Variants in CREBRF observed in about 807,000 individuals in gnomAD.
CREBRF encodes the protein CREB3 regulatory factor.
Under a neutral mutation model 66.1 loss-of-function variants are expected in CREBRF, and 5 were observed. The ratio of observed to expected loss-of-function variants is 0.08; its 90% CI spans 0.04 to 0.16. The LOEUF is 0.16. Among genes scored for constraint, CREBRF ranks in the 10% least tolerant of loss-of-function variants. The pLI is 1.00. For synonymous variants in CREBRF, 229 were observed against 264.4 expected, an observed-to-expected ratio of 0.87 and a Z score of 1.30; for missense variants, 531 against 744.9, an observed-to-expected ratio of 0.71 and a Z score of 3.34.
At chr5:173,075,717 G>GT (rs1309908813) in intron 1 of CREBRF, among the ~76,000 whole-genome samples, 2 of 151,912 alleles carry the variant, frequency 1.3e-5, no homozygotes, top group African/African-American at 4.8e-5. Flanking sequence ...CTGCCTCCCT[G>GT]TTTCGTTGCC....
intron 2 of CREBRF, among the ~76,000 whole-genome samples, chr5:173,082,908 CAAAAAAAAAAAAAAAAA>C (rs70984937): frequency 5.5e-4 from 16 of 29,020 alleles, no homozygotes; most frequent in African/African-American, 9.5e-4. Context: ...GACTCTGTCT[CAAAAAAAAAAAAAAAAA>C]AAAAAAAAAA....
intron 1 of CREBRF, among the ~76,000 whole-genome samples, chr5:173,065,372 G>A (rs1163141588): frequency 6.6e-6 from 1 of 152,118 alleles, no homozygotes. Context: ...GGAGGAAATA[G>A]CTTTTTTTGC....
In CREBRF at chr5:173,138,318, A is replaced by G. The variant is rs1326548181; in HGVS notation, c.*4573A>G. 1 of 152,200 alleles carries G rather than the reference A, an allele frequency of 6.6e-6. No individual in the cohort carries two copies. The highest frequency in any genetic ancestry group is 2.4e-5 in the African/African-American group (1 of 41,460). The allele number at this position is 152,200 out of a possible 1,614,324, so 9.4% of individuals were successfully genotyped here. A position where few individuals can be genotyped will look rare whatever the true frequency, so the allele number is the denominator to read the frequency against. On this transcript the variant is annotated 3_prime_UTR_variant, in exon 9 of 9. Transcript: ENST00000296953. ...TTTTAAGGAATAAGCATGTTGGGGA[A>G]AGATGATGAAAATGTACTACTGAAA...
At chr5:173,107,932 A>G (rs1011050706) in intron 4 of CREBRF, among the ~76,000 whole-genome samples, 7 of 151,218 alleles carry the variant, frequency 4.6e-5, no homozygotes, top group African/African-American at 1.5e-4. Context: ...CCTGAGTTCA[A>G]GTGATTCTCA....
At chr5:173,093,731 T>C (rs1438355048) in intron 4 of CREBRF, among the ~76,000 whole-genome samples, 1 of 152,204 alleles carries the variant, frequency 6.6e-6, no homozygotes, top group Non-Finnish European at 1.5e-5. Flanking sequence ...TGCCCAGGCA[T>C]GTCTTGAACT....
In CREBRF at chr5:173,110,517, T is replaced by C. The variant is rs375965664; in HGVS notation, c.1418-5T>C. The C allele has an allele frequency of 4.8e-5, 77 of 1,607,990 alleles. No individual in the cohort carries two copies. The African/African-American group carries it at 7.7e-4, about 16-fold the overall frequency. ...TGACTTAAACTTCTTTTAAACTGTTTATAGGAAAATATGCAGTAAAGAAGT... is the reference window on the plus strand; with the variant it reads ...TGACTTAAACTTCTTTTAAACTGTTCATAGGAAAATATGCAGTAAAGAAGT... On this transcript the variant is annotated splice_polypyrimidine_tract_variant and splice_region_variant and intron_variant, in intron 5 of 8. Coordinates refer to ENST00000296953, the MANE Select transcript of CREBRF (RefSeq NM_153607.3).
rs1758798805 is a variant in CREBRF, at chr5:173,108,500, A to G, written c.1223-124A>G. 5 of 763,510 alleles carry G rather than the reference A, an allele frequency of 6.5e-6. No homozygotes were observed. In the Admixed American group the frequency reaches 8.9e-5, roughly 14 times the overall value. The allele number at this position is 763,510 out of a possible 1,614,324, so 47.3% of individuals were successfully genotyped here. ...ATAGACCTGGTTTATTATCTTTGAC[A>G]TGCCAATGATGTTTTCAGATGCAAG... On this transcript the variant is annotated intron_variant, in intron 4 of 8. Coordinates refer to ENST00000296953, the MANE Select transcript of CREBRF (RefSeq NM_153607.3).
intron 1 of CREBRF, among the ~76,000 whole-genome samples, chr5:173,075,226 T>C (rs1430272942): frequency 6.6e-6 from 1 of 152,226 alleles, no homozygotes; most frequent in African/African-American, 2.4e-5. Context: ...TGTTTTGAAT[T>C]TTACTTGCCT....
chr5:173,086,427 G>T, intron 2 of CREBRF, 74 bp from the exon 3 acceptor site: 1 of 1,365,342 alleles, frequency 7.3e-7, no homozygotes. Flanking sequence ...TGGGGGTGGG[G>T]TTGGGGCTCA....
rs1250456353 is a variant in CREBRF, at chr5:173,056,398, C to T, written c.-273C>T. 7 of 398,190 alleles carry T rather than the reference C, an allele frequency of 1.8e-5. No homozygotes were observed. Among genetic ancestry groups the T allele is most frequent in the Non-Finnish European group, 2.7e-5 (6 of 225,836 alleles). 24.7% of individuals were successfully genotyped at this position (398,190 alleles called of 1,614,324 possible). On this transcript the variant is annotated 5_prime_UTR_variant, in exon 1 of 9. Transcript: ENST00000296953. ...CCCGTCAGGAAGGACATAAACAAAA[C>T]AAACCCGAGGCAGCATGGAGAGGGG...
intron 1 of CREBRF, among the ~76,000 whole-genome samples, chr5:173,078,968 C>T (rs910425119): frequency 1.3e-5 from 2 of 152,108 alleles, no homozygotes; most frequent in African/African-American, 4.8e-5. Flanking sequence ...AGGCCTAAGT[C>T]ATAGGTCTAG....
In CREBRF at chr5:173,129,022, C is replaced by T. The variant is rs570765912; in HGVS notation, c.1805-4608C>T. ...GTCTCGATCTCCTGACCTCGTGATC[C>T]ACCCGCCTCGGCCTCCCATAGTGCT... On this transcript the variant is annotated intron_variant, in intron 8 of 8. Transcript: ENST00000296953. Among the ~76,000 whole-genome samples the T allele has an allele frequency of 1.1e-3, 161 of 151,112 alleles. 1 individual carries two copies. Among genetic ancestry groups the T allele is most frequent in the Non-Finnish European group, 7.5e-4 (51 of 67,816 alleles).
At chr5:173,085,700 A>G (rs1758125235) in intron 2 of CREBRF, 21 of 731,758 alleles carry the variant, frequency 2.9e-5, no homozygotes, top group Non-Finnish European at 5.1e-5. Context: ...TACAGGCGTG[A>G]GCCACCGCAC....
intron 4 of CREBRF, among the ~76,000 whole-genome samples, chr5:173,103,011 C>T (rs72816131): frequency 0.032 from 4,840 of 152,212 alleles, 109 homozygotes; most frequent in South Asian, 0.091. Context: ...GTTAATTGAT[C>T]GCCATTTTTA....
intron 4 of CREBRF, among the ~76,000 whole-genome samples, chr5:173,092,933 A>G (rs1758386132): frequency 6.6e-6 from 1 of 152,190 alleles, no homozygotes; most frequent in Non-Finnish European, 1.5e-5. Flanking sequence ...ATGTCTTTTT[A>G]CAATACAGGA....
chr5:173,063,411 A>C (rs185054534), intron 1 of CREBRF, among the ~76,000 whole-genome samples: 69 of 152,266 alleles, frequency 4.5e-4, no homozygotes, highest in African/African-American at 1.5e-3. Context: ...GCTGTTGCCC[A>C]CGCTGGAGTG....
intron 1 of CREBRF, among the ~76,000 whole-genome samples, chr5:173,076,897 A>G (rs1382040031): frequency 6.6e-6 from 1 of 152,126 alleles, no homozygotes; most frequent in East Asian, 1.9e-4. Context: ...ATTAGGAAGG[A>G]TCAAAGTAGA....
chr5:173,123,007 C>A, intron 7 of CREBRF, 73 bp from the exon 8 acceptor site: 1 of 1,370,642 alleles, frequency 7.3e-7, no homozygotes, highest in Non-Finnish European at 9.9e-7. Context: ...TCTTAATTAT[C>A]TGTTATTACA....
rs1316411778 is a variant in CREBRF, at chr5:173,117,569, C to T, written c.1681+5190C>T. 1.9e-3 allele frequency among the ~76,000 whole-genome samples: 93 copies of T among 49,712 alleles called. 3 individuals are homozygous for T. Among genetic ancestry groups the T allele is most frequent in the African/African-American group, 5.3e-3 (83 of 15,752 alleles). The allele number at this position is 49,712 out of a possible 152,430, so 32.6% of individuals were successfully genotyped here. On this transcript the variant is annotated intron_variant, in intron 7 of 8. Transcript: ENST00000296953. ...TCCCCTCCCCTCTTCCTCCCTCCCT[C>T]CCTCCCTCCCTCCTTCCTTCCTTCC...
Sources: gnomAD v4.1 joint callset for allele counts (sites outside exome capture counted in the v4.1 genomes callset) on GRCh38, gnomAD v4.1.1 for gene constraint, MANE v1.5 for transcripts, NCBI Gene and HGNC (gene_info 2026-07-23, HGNC 2026-07-21) for gene names.